The following THTPA variants were observed in gnomAD, a reference collection of about 807,000 sequenced individuals.
The protein encoded by THTPA is thiamine-triphosphatase.
THTPA carries 16 observed loss-of-function variants against 16.5 expected under a neutral mutation model. The observed-to-expected ratio is 0.97, with a 90% confidence interval of 0.66 to 1.47. The LOEUF (loss-of-function observed/expected upper bound fraction) is 1.47, where lower values mean the gene tolerates loss of function less well. Ranked by LOEUF, THTPA falls within the 40% of genes most tolerant of loss-of-function variation. The probability of loss-of-function intolerance (pLI) is 0.00; values close to 1 mark genes in which losing one functional copy is unlikely to be tolerated. For synonymous variants in THTPA, 110 were observed against 115.5 expected (o/e 0.95, Z 0.30); for missense variants, 281 against 280.9 (o/e 1.00, Z 0.00).
chr14:23,533,311 G>C, the THTPA span: 1 of 1,437,496 alleles, frequency 7.0e-7, no homozygotes, highest in African/African-American at 1.4e-5. The surrounding 1 kb of genome is among the most constrained non-coding windows in gnomAD (Gnocchi z 4.8). Flanking sequence ...GCGGGCAGGT[G>C]CTCCTACGTG....
intron 1 of THTPA, 101 bp downstream of exon 1, chr14:23,557,405 A>T (rs879664832): frequency 1.7e-4 from 207 of 1,209,210 alleles, no homozygotes; most frequent in Middle Eastern, 6.0e-4. Flanking sequence ...CGGATTAAAA[A>T]TTTTTTTTTT....
At chr14:23,520,549 C>G in the THTPA span, among the ~76,000 whole-genome samples, 2 of 152,224 alleles carry the variant, frequency 1.3e-5, no homozygotes, top group African/African-American at 2.4e-5. The surrounding 1 kb of genome is among the most constrained non-coding windows in gnomAD (Gnocchi z 8.7). Flanking sequence ...ACTGACTTTT[C>G]TAACTCATAG....
At chr14:23,521,858 G>A in the THTPA span, 568 of 1,485,960 alleles carry the variant, frequency 3.8e-4, 4 homozygotes, top group South Asian at 2.9e-3. Flanking sequence ...TGAGGTGGGC[G>A]GGGCCAGGGG....
chr14:23,534,639 C>T, the THTPA span: 2 of 1,536,062 alleles, frequency 1.3e-6, no homozygotes, highest in Non-Finnish European at 1.7e-6. This position sits in a 1 kb window ranked among gnomAD's most constrained non-coding sequence, Gnocchi z 4.5. Flanking sequence ...CGTGGTTGCC[C>T]CCGCTGTTCC....
the THTPA span, among the ~76,000 whole-genome samples, chr14:23,545,429 C>T: frequency 1.3e-5 from 2 of 151,368 alleles, no homozygotes; most frequent in African/African-American, 4.8e-5. Context: ...GCCTACTGCA[C>T]TCCTTCCTTT....
At chr14:23,540,559 C>G in the THTPA span, among the ~76,000 whole-genome samples, 1 of 152,086 alleles carries the variant, frequency 6.6e-6, no homozygotes, top group Non-Finnish European at 1.5e-5. Context: ...GTATAAACAG[C>G]AAATAAACTA....
At chr14:23,523,232 G>A in the THTPA span, 15 of 1,431,248 alleles carry the variant, frequency 1.0e-5, no homozygotes, top group Admixed American at 1.5e-4. The surrounding 1 kb of genome is among the most constrained non-coding windows in gnomAD (Gnocchi z 4.1). Flanking sequence ...GTTGCCCAGC[G>A]GGGGCTGAGC....
chr14:23,536,389 C>T, the THTPA span, among the ~76,000 whole-genome samples: 1 of 152,152 alleles, frequency 6.6e-6, no homozygotes, highest in Non-Finnish European at 1.5e-5. Flanking sequence ...AATTGATTTC[C>T]CCTGGCATGC....
At chr14:23,557,750 A>G (rs1306602757) in intron 1 of THTPA, among the ~76,000 whole-genome samples, 1 of 150,378 alleles carries the variant, frequency 6.6e-6, no homozygotes, top group Non-Finnish European at 1.5e-5. Context: ...CCTTCCCCCA[A>G]TCTCTTTTTT....
the THTPA span, among the ~76,000 whole-genome samples, chr14:23,542,433 G>T: frequency 3.9e-5 from 6 of 152,134 alleles, no homozygotes; most frequent in East Asian, 9.6e-4. Context: ...ATGGGGGTGG[G>T]TGTCCAGGAG....
chr14:23,552,493 A>C (rs984295719), upstream of THTPA, among the ~76,000 whole-genome samples: 1 of 151,926 alleles, frequency 6.6e-6, no homozygotes, highest in South Asian at 2.1e-4. Context: ...GGGTTTCACC[A>C]CGTTGGTCAA....
the THTPA span, among the ~76,000 whole-genome samples, chr14:23,529,051 C>T: frequency 1.3e-5 from 2 of 152,276 alleles, no homozygotes; most frequent in Non-Finnish European, 2.9e-5. Flanking sequence ...TGCAGTAATG[C>T]AGTAACACTG....
In THTPA at chr14:23,559,983, A is replaced by G; in HGVS notation, c.*1143A>G. The stretch of plus-strand genomic sequence containing the variant: ...TGAAGAGCTGGGTGATAGGAAGGCC[A>G]CCCCGAGCTGGAACTGTGTTCCCAC... On this transcript the variant is annotated 3_prime_UTR_variant, in exon 2 of 2. Transcript: ENST00000288014. 1 of 1,613,062 alleles carries G rather than the reference A, an allele frequency of 6.2e-7. No individual in the cohort carries two copies. Among genetic ancestry groups the G allele is most frequent in the Non-Finnish European group, 8.5e-7 (1 of 1,179,560 alleles).
the THTPA span, chr14:23,526,336 C>T: frequency 6.5e-7 from 1 of 1,536,320 alleles, no homozygotes; most frequent in Non-Finnish European, 8.7e-7. Flanking sequence ...GAATATTCTT[C>T]TGGGTGAAGG....
chr14:23,524,489 A>G, the THTPA span: 1 of 1,530,068 alleles, frequency 6.5e-7, no homozygotes, highest in Non-Finnish European at 8.7e-7. The surrounding 1 kb of genome is among the most constrained non-coding windows in gnomAD (Gnocchi z 5.6). Context: ...GGCTGCCACC[A>G]GGGGGTTTCT....
Position 23,559,808 on chromosome 14 carries a change from G to A in THTPA, c.*968G>A, listed in dbSNP as rs1380943214. 2 of 1,614,164 alleles carry A rather than the reference G, an allele frequency of 1.2e-6. No individual in the cohort carries two copies. The highest frequency in any genetic ancestry group is 1.7e-5 in the Admixed American group (1 of 60,030). The stretch of plus-strand genomic sequence containing the variant: ...TCAAAGATCTCCTGCACCGACTGGT[G>A]AAAGTGGTCGTAGGTGAGGCGCAGC... On this transcript the variant is annotated 3_prime_UTR_variant, in exon 2 of 2. Coordinates refer to ENST00000288014, the MANE Select transcript of THTPA (RefSeq NM_024328.6).
the THTPA span, among the ~76,000 whole-genome samples, chr14:23,539,350 G>A: frequency 7.9e-5 from 12 of 152,236 alleles, no homozygotes; most frequent in Non-Finnish European, 1.0e-4. Flanking sequence ...ATATACAGTC[G>A]TAATTACTGA....
chr14:23,536,525 G>T, the THTPA span, among the ~76,000 whole-genome samples: 49 of 152,300 alleles, frequency 3.2e-4, no homozygotes, highest in South Asian at 0.01. Context: ...CCTCCCAAAA[G>T]AGGTAACAAA....
At chr14:23,537,253 A>C in the THTPA span, among the ~76,000 whole-genome samples, 1 of 150,404 alleles carries the variant, frequency 6.6e-6, no homozygotes, top group Non-Finnish European at 1.5e-5. Flanking sequence ...TAAATCAGGA[A>C]CCTCCCCCTC....
Sources: allele counts gnomAD v4.1 joint callset (sites outside exome capture counted in the v4.1 genomes callset), GRCh38; gene constraint gnomAD v4.1.1; non-coding constraint Gnocchi (gnomAD v3.1); transcripts MANE v1.5; gene names NCBI Gene and HGNC (gene_info 2026-07-23, HGNC 2026-07-21).